Variants in RAB9B observed in about 807,000 individuals in gnomAD.
The protein encoded by RAB9B is RAB9B, member RAS oncogene family.
In RAB9B, 1 loss-of-function variant was observed where a neutral mutation model predicts 8.9. The observed-to-expected ratio is 0.11, with a 90% CI of 0.04 to 0.53. The LOEUF (loss-of-function observed/expected upper bound fraction) is 0.53, where lower values mean the gene tolerates loss of function less well. RAB9B is among the 20% of genes least tolerant of loss of function. RAB9B has a pLI of 0.93. For synonymous variants in RAB9B, 63 were observed against 57.0 expected (o/e 1.10, Z -0.47); for missense variants, 82 against 152.9 (o/e 0.54, Z 2.45).
At chrX:103,808,850 A>T in the RAB9B span, among the ~76,000 whole-genome samples, 1 of 112,899 alleles carries the variant, frequency 8.9e-6, no homozygotes, top group East Asian at 2.8e-4. Flanking sequence ...CTTGCCCAAG[A>T]CCTGGCTAGC....
chrX:103,805,230 T>C, the RAB9B span, among the ~76,000 whole-genome samples: 2 of 111,827 alleles, frequency 1.8e-5, no homozygotes, highest in Non-Finnish European at 3.8e-5. Context: ...TGTTCAATTT[T>C]GTCATCTATT....
chrX:103,784,162 G>A, the RAB9B span, among the ~76,000 whole-genome samples: 2 of 111,491 alleles, frequency 1.8e-5, no homozygotes, highest in East Asian at 5.6e-4. Context: ...TTCAGAGCCT[G>A]TGACTTCTTG....
the RAB9B span, among the ~76,000 whole-genome samples, chrX:103,793,606 A>C: frequency 2.7e-5 from 3 of 111,730 alleles, no homozygotes; most frequent in African/African-American, 9.8e-5. Flanking sequence ...AGGGTTCTAC[A>C]GAGTGATTGT....
chrX:103,795,702 A>G, the RAB9B span, among the ~76,000 whole-genome samples: 1 of 112,294 alleles, frequency 8.9e-6, no homozygotes, highest in Non-Finnish European at 1.9e-5. Flanking sequence ...TTATCCAAAA[A>G]AAAGTGAAGA....
At chrX:103,786,782 G>A in the RAB9B span, 29 of 1,154,577 alleles carry the variant, frequency 2.5e-5, no homozygotes, top group Non-Finnish European at 3.4e-5. Context: ...AATTGGGCGC[G>A]AGTCTGTGGC....
At chrX:103,790,830 G>A in the RAB9B span, 1 of 421,721 alleles carries the variant, frequency 2.4e-6, no homozygotes, top group East Asian at 3.9e-5. Context: ...CTAGAAATGG[G>A]AAATGCCTAA....
At chrX:103,808,508 C>T in the RAB9B span, among the ~76,000 whole-genome samples, 1 of 112,547 alleles carries the variant, frequency 8.9e-6, no homozygotes, top group South Asian at 3.7e-4. Context: ...GTAGCCTGAG[C>T]CATCCCTTCA....
chrX:103,797,263 A>C, the RAB9B span, among the ~76,000 whole-genome samples: 1 of 109,600 alleles, frequency 9.1e-6, no homozygotes, highest in African/African-American at 3.3e-5. Flanking sequence ...TAATTTAAAA[A>C]AAATTTTTTG....
At chrX:103,788,712 A>G in the RAB9B span, 2 of 447,971 alleles carry the variant, frequency 4.5e-6, no homozygotes, top group African/African-American at 4.8e-5. Context: ...AGTTGCATAG[A>G]AAGACTTCCT....
rs1407072839 is a variant in RAB9B at position 103,823,779 on chromosome X, T to G, written c.*1400A>C. 3 of 112,095 alleles carry G rather than the reference T, an allele frequency of 2.7e-5. No individual in the cohort carries two copies. The highest frequency in any genetic ancestry group is 1.9e-4 in the Admixed American group (2 of 10,525). The allele number at this position is 112,095 out of a possible 1,213,427, so 9.2% of individuals were successfully genotyped here. A position where few individuals can be genotyped will look rare whatever the true frequency, so the allele number is the denominator to read the frequency against. The stretch of plus-strand genomic sequence containing the variant: ...CAGTCACATAAAGATTACTCAGAGC[T>G]CAAGAATTTTTCCTGCCACAGTGCA... On this transcript the variant is annotated 3_prime_UTR_variant, in exon 3 of 3. Coordinates refer to ENST00000243298, the MANE Select transcript of RAB9B (RefSeq NM_016370.4).
At chrX:103,802,206 AAGAG>A in the RAB9B span, among the ~76,000 whole-genome samples, 1 of 96,306 alleles carries the variant, frequency 1.0e-5, no homozygotes, top group African/African-American at 3.8e-5. Flanking sequence ...GAGAGAGAGA[AAGAG>A]AGAGAGAGAC....
chrX:103,820,541 A>T (rs1199023915), downstream of RAB9B, among the ~76,000 whole-genome samples: 3 of 112,010 alleles, frequency 2.7e-5, no homozygotes, highest in African/African-American at 9.7e-5. Flanking sequence ...TCGCCAAACC[A>T]TTTCCAAAAA....
chrX:103,817,395 A>C (rs2074643425), downstream of RAB9B, among the ~76,000 whole-genome samples: 1 of 110,659 alleles, frequency 9.0e-6, no homozygotes, highest in Non-Finnish European at 1.9e-5. Context: ...ACACGTGGAC[A>C]CAGGGAGGGG....
At chrX:103,791,684 T>C in the RAB9B span, 13 of 112,963 alleles carry the variant, frequency 1.2e-4, no homozygotes, top group African/African-American at 4.2e-4. Flanking sequence ...TTCCAGTTTG[T>C]TTATTACTTA....
the RAB9B span, among the ~76,000 whole-genome samples, chrX:103,813,745 C>CAAAAAAAAAAAAAAAAAAAA: frequency 3.5e-4 from 3 of 8,542 alleles, 1 homozygote; most frequent in African/African-American, 4.8e-4. Flanking sequence ...AAATGGAAAG[C>CAAAAAAAAAAAAAAAAAAAA]AAAAAAAAAA....
At chrX:103,828,183 CAT>C (rs1299941669) in intron 1 of RAB9B, among the ~76,000 whole-genome samples, 12 of 111,760 alleles carry the variant, frequency 1.1e-4, no homozygotes, top group Middle Eastern at 4.7e-3. Flanking sequence ...TTAATAATCA[CAT>C]GTTATTTTCT....
chrX:103,806,542 C>G, the RAB9B span, among the ~76,000 whole-genome samples: 1 of 111,750 alleles, frequency 8.9e-6, no homozygotes, highest in South Asian at 3.7e-4. Context: ...AATGTTCATT[C>G]TGCACTGGAG....
chrX:103,813,948 T>C, the RAB9B span, among the ~76,000 whole-genome samples: 1 of 109,849 alleles, frequency 9.1e-6, no homozygotes, highest in South Asian at 4.0e-4. Context: ...AAGTTCTAAG[T>C]GACCTACAAA....
At chrX:103,803,271 G>A in the RAB9B span, among the ~76,000 whole-genome samples, 4 of 112,223 alleles carry the variant, frequency 3.6e-5, no homozygotes, top group South Asian at 1.5e-3. Flanking sequence ...TTGAGGAACT[G>A]TCAGACTGTT....
Sources: allele counts gnomAD v4.1 joint callset (sites outside exome capture counted in the v4.1 genomes callset), GRCh38; gene constraint gnomAD v4.1.1; transcripts MANE v1.5; gene names NCBI Gene and HGNC (gene_info 2026-07-23, HGNC 2026-07-21).